SPTLC3: variants seen among roughly 807,000 people sequenced by gnomAD.
SPTLC3 encodes the protein serine palmitoyltransferase long chain base subunit 3.
SPTLC3 carries 36 observed loss-of-function variants against 59.3 expected under a neutral mutation model. The observed-to-expected ratio is 0.61, with a 90% confidence interval of 0.47 to 0.80. The LOEUF (loss-of-function observed/expected upper bound fraction) is 0.80. SPTLC3 is among the 30% of genes least tolerant of loss of function. The pLI, the probability that SPTLC3 is intolerant of heterozygous loss-of-function variation, is 0.00. For missense variants in SPTLC3, 625 were observed against 685.1 expected (o/e 0.91, Z 0.98); for synonymous variants, 257 against 240.8 (o/e 1.07, Z -0.62).
At chr20:13,097,387 T>C (rs1164056823) in intron 6 of SPTLC3, among the ~76,000 whole-genome samples, 1 of 152,144 alleles carries the variant, frequency 6.6e-6, no homozygotes, top group African/African-American at 2.4e-5. Flanking sequence ...CCAGCTAAAC[T>C]GGTTTTTCTC....
At chr20:13,068,150 C>T (rs982200627) in intron 2 of SPTLC3, among the ~76,000 whole-genome samples, 3 of 152,108 alleles carry the variant, frequency 2.0e-5, no homozygotes, top group Non-Finnish European at 2.9e-5. Context: ...TATAAATTAT[C>T]GTACAAATAT....
chr20:13,164,730 TA>T, intron 11 of SPTLC3, 23 bp from the exon 12 acceptor site: 1 of 1,584,744 alleles, frequency 6.3e-7, no homozygotes, highest in Non-Finnish European at 8.6e-7. Context: ...CAATGATAGC[TA>T]TTGGAAAGCA....
chr20:13,131,498 A>AGTAC (rs1332394377), intron 9 of SPTLC3, among the ~76,000 whole-genome samples: 1 of 152,248 alleles, frequency 6.6e-6, no homozygotes, highest in African/African-American at 2.4e-5. Context: ...ATAAAGTCAT[A>AGTAC]GTACTTTCAA....
chr20:13,014,862 G>C (rs886112512), intron 1 of SPTLC3, among the ~76,000 whole-genome samples: 34 of 151,460 alleles, frequency 2.2e-4, no homozygotes, highest in African/African-American at 7.8e-4. Context: ...AGCACTTGTA[G>C]ACTTTCCACA....
At chr20:13,024,352 A>G (rs1169413143) in intron 1 of SPTLC3, among the ~76,000 whole-genome samples, 4 of 151,610 alleles carry the variant, frequency 2.6e-5, no homozygotes, top group African/African-American at 9.7e-5. Context: ...TATATCTACT[A>G]CCTAGATTCT....
chr20:13,026,829 T>A (rs78556936), intron 1 of SPTLC3, among the ~76,000 whole-genome samples: 5,364 of 152,208 alleles, frequency 0.035, 335 homozygotes, highest in African/African-American at 0.12. Context: ...GAAAAACTGT[T>A]ACATGTCAGA....
chr20:13,141,833 A>G (rs1481658487), intron 9 of SPTLC3, among the ~76,000 whole-genome samples: 1 of 152,214 alleles, frequency 6.6e-6, no homozygotes, highest in African/African-American at 2.4e-5. Context: ...TCAGTCCATG[A>G]TTAATCACCT....
At chr20:13,114,514 A>T (rs893254304) in intron 7 of SPTLC3, among the ~76,000 whole-genome samples, 9 of 152,232 alleles carry the variant, frequency 5.9e-5, no homozygotes, top group Non-Finnish European at 1.2e-4. Context: ...CTTCTAAAAC[A>T]AATACATATA....
chr20:13,040,173 G>A (rs1986916458), intron 1 of SPTLC3, among the ~76,000 whole-genome samples: 2 of 151,654 alleles, frequency 1.3e-5, no homozygotes, highest in South Asian at 4.2e-4. Flanking sequence ...AGTTGCTGTG[G>A]ACTCTAATTG....
chr20:13,139,865 G>A (rs1365383675), intron 9 of SPTLC3, among the ~76,000 whole-genome samples: 1 of 152,184 alleles, frequency 6.6e-6, no homozygotes, highest in Non-Finnish European at 1.5e-5. Flanking sequence ...GAAAAATAAA[G>A]TCTAAAGGAC....
chr20:13,029,778 T>G (rs193295075), intron 1 of SPTLC3, among the ~76,000 whole-genome samples: 8 of 152,272 alleles, frequency 5.3e-5, no homozygotes, highest in African/African-American at 1.9e-4. Context: ...CATTCTGTCT[T>G]CAAAGGAAAC....
intron 1 of SPTLC3, among the ~76,000 whole-genome samples, chr20:13,017,025 T>G (rs1985560603): frequency 6.6e-6 from 1 of 152,144 alleles, no homozygotes; most frequent in Non-Finnish European, 1.5e-5. Flanking sequence ...TCCTAGAACC[T>G]AAGTTCTTAT....
At chr20:13,064,536 C>T (rs897925511) in intron 2 of SPTLC3, among the ~76,000 whole-genome samples, 1 of 152,090 alleles carries the variant, frequency 6.6e-6, no homozygotes, top group East Asian at 1.9e-4. Context: ...CTCAAGCGAT[C>T]CGCCTGCCTC....
At chr20:13,019,391 G>A (rs1985744453) in intron 1 of SPTLC3, among the ~76,000 whole-genome samples, 1 of 152,082 alleles carries the variant, frequency 6.6e-6, no homozygotes, top group South Asian at 2.1e-4. Context: ...TAGGAAATAG[G>A]CTAAAAAGTC....
chr20:13,013,057 T>C (rs1985337646), intron 1 of SPTLC3, among the ~76,000 whole-genome samples: 1 of 152,166 alleles, frequency 6.6e-6, no homozygotes, highest in Non-Finnish European at 1.5e-5. Context: ...CATGTGACTT[T>C]TGAGAGACTT....
intron 4 of SPTLC3, 130 bp downstream of exon 4, chr20:13,074,627 A>AG: frequency 8.9e-7 from 1 of 1,127,180 alleles, no homozygotes; most frequent in South Asian, 2.1e-5. Context: ...AAGAAAAAAA[A>AG]GAGATATTTT....
intron 5 of SPTLC3, among the ~76,000 whole-genome samples, chr20:13,092,761 T>G (rs932116477): frequency 5.9e-5 from 9 of 152,252 alleles, no homozygotes; most frequent in Non-Finnish European, 1.3e-4. Context: ...TACAGAAATA[T>G]AATGGAGTAT....
chr20:13,108,726 C>A (rs4274654), intron 6 of SPTLC3, among the ~76,000 whole-genome samples: 61,191 of 151,902 alleles, frequency 0.4, 13,515 homozygotes, highest in African/African-American at 0.59. Context: ...AGGTGCCTAC[C>A]ACCATACCCA....
At chr20:13,117,891 C>T (rs896739086) in intron 8 of SPTLC3, among the ~76,000 whole-genome samples, 166 bp downstream of exon 8, 3 of 152,148 alleles carry the variant, frequency 2.0e-5, no homozygotes, top group East Asian at 1.9e-4. Context: ...CCCAGAATAT[C>T]GAGGAGCTCT....
Sources: gnomAD v4.1 joint callset for allele counts (sites outside exome capture counted in the v4.1 genomes callset) on GRCh38, gnomAD v4.1.1 for gene constraint, MANE v1.5 for transcripts, NCBI Gene and HGNC (gene_info 2026-07-23, HGNC 2026-07-21) for gene names.